The following ATXN10 variants were observed in gnomAD, a reference collection of about 807,000 sequenced individuals.
ATXN10 encodes ataxin 10.
A neutral mutation model predicts 52.9 loss-of-function variants in ATXN10; 28 were observed. The observed-to-expected ratio is 0.53, with a 90% CI of 0.39 to 0.73. The LOEUF is 0.73. ATXN10 is among the 30% of genes least tolerant of loss of function. ATXN10 has a pLI of 0.00. For synonymous variants in ATXN10, 226 were observed against 221.5 expected, an observed-to-expected ratio of 1.02 and a Z score of -0.18; for missense variants, 565 against 577.0, an observed-to-expected ratio of 0.98 and a Z score of 0.21.
intron 10 of ATXN10, among the ~76,000 whole-genome samples, chr22:45,830,827 T>G (rs1381416444): frequency 6.6e-6 from 1 of 152,142 alleles, no homozygotes; most frequent in Non-Finnish European, 1.5e-5. Flanking sequence ...AAAGATAGAA[T>G]TACTATATAT....
At chr22:45,710,282 A>G (rs1924195800) in intron 5 of ATXN10, among the ~76,000 whole-genome samples, 1 of 152,030 alleles carries the variant, frequency 6.6e-6, no homozygotes. Context: ...TGAATACTCC[A>G]AGTTTGTTCT....
At chr22:45,698,712 A>G (rs970016269) in intron 3 of ATXN10, among the ~76,000 whole-genome samples, 1 of 152,218 alleles carries the variant, frequency 6.6e-6, no homozygotes, top group Admixed American at 6.5e-5. Flanking sequence ...AGGAAGGAAA[A>G]TGGAAAGGAA....
Position 45,784,627 on chromosome 22 carries a change from G to A in ATXN10, c.1174-22332G>A, listed in dbSNP as rs929208533. 2.6e-5 allele frequency among the ~76,000 whole-genome samples: 4 copies of A among 152,178 alleles called. No homozygotes were observed. The highest frequency in any genetic ancestry group is 1.3e-4 in the Admixed American group (2 of 15,288). On this transcript the variant is annotated intron_variant, in intron 9 of 11. Transcript: ENST00000252934. This position sits in a 1 kb window ranked among gnomAD's most constrained non-coding sequence, Gnocchi z 4.2. ...CAGGAGGCTGGCTTCCTGTGGGCTC[G>A]CCTGTCGACCCCCTCCCTGTGCCCA...
Position 45,819,711 on chromosome 22 carries a change from T to C in ATXN10, c.1237+12689T>C, listed in dbSNP as rs1288792465. On this transcript the variant is annotated intron_variant, in intron 10 of 11. Transcript: ENST00000252934. This position sits in a 1 kb window ranked among gnomAD's most constrained non-coding sequence, Gnocchi z 4.5. ...GGTCTGTGCTTGTATACATTATTAT[T>C]ATCATTTAATGTATGTATTTTCTTA... Among the ~76,000 whole-genome samples, 1 of 152,238 alleles carries C rather than the reference T, an allele frequency of 6.6e-6. No homozygotes were observed. The highest frequency in any genetic ancestry group is 1.5e-5 in the Non-Finnish European group (1 of 68,044).
chr22:45,786,215 TC>T lies in ATXN10; in HGVS notation c.1174-20742del, dbSNP rs776366024. Among the ~76,000 whole-genome samples, 3 of 152,230 alleles carry T rather than the reference TC, an allele frequency of 2.0e-5. No homozygotes were observed. The highest frequency in any genetic ancestry group is 3.8e-4 in the East Asian group (2 of 5,200). On this transcript the variant is annotated intron_variant, in intron 9 of 11. Coordinates refer to ENST00000252934, the MANE Select transcript of ATXN10 (RefSeq NM_013236.4). This position sits in a 1 kb window ranked among gnomAD's most constrained non-coding sequence, Gnocchi z 4.1. ...TATTAATCACATTGTGTTTTGTACT[TC>T]CGGGTACTTTAAGAGCCTCTGCCAT...
intron 6 of ATXN10, among the ~76,000 whole-genome samples, chr22:45,721,102 C>T (rs1454938193): frequency 6.6e-6 from 1 of 152,156 alleles, no homozygotes; most frequent in African/African-American, 2.4e-5. Flanking sequence ...CTTCTTCACC[C>T]AGAGGCTGGT....
At position 45,844,999 on chromosome 22, in the gene ATXN10, A is replaced by G. The variant is rs1314281952; in HGVS notation, c.*1328A>G. 6.6e-6 allele frequency: 1 copy of G among 152,246 alleles called. No homozygotes were observed. Among genetic ancestry groups the G allele is most frequent in the Non-Finnish European group, 1.5e-5 (1 of 68,052 alleles). The allele number at this position is 152,246 out of a possible 1,614,324, so 9.4% of individuals were successfully genotyped here. A position where few individuals can be genotyped will look rare whatever the true frequency, so the allele number is the denominator to read the frequency against. On this transcript the variant is annotated 3_prime_UTR_variant, in exon 12 of 12. Coordinates refer to ENST00000252934, the MANE Select transcript of ATXN10 (RefSeq NM_013236.4). The stretch of plus-strand genomic sequence containing the variant: ...TCAGCTTCTAGGATTGCAGCAATCT[A>G]TGAATAACATTTTTTCTCTCATTTA...
chr22:45,832,243 A>G (rs767340868), intron 10 of ATXN10, among the ~76,000 whole-genome samples: 1 of 152,214 alleles, frequency 6.6e-6, no homozygotes, highest in Non-Finnish European at 1.5e-5. Flanking sequence ...GAATCCCTGA[A>G]GGAGCTGGCC....
rs1928583304 is a variant in ATXN10 at position 45,819,609 on chromosome 22, A to G, written c.1237+12587A>G. Among the ~76,000 whole-genome samples, 1 of 152,254 alleles carries G rather than the reference A, an allele frequency of 6.6e-6. No homozygotes were observed. Among genetic ancestry groups the G allele is most frequent in the African/African-American group, 2.4e-5 (1 of 41,474 alleles). On this transcript the variant is annotated intron_variant, in intron 10 of 11. Transcript: ENST00000252934. The surrounding 1 kb of genome is among the most constrained non-coding windows in gnomAD (Gnocchi z 4.5). Reference sequence around the variant, plus strand: ...GTCCCATGCAGGAAGCTTTACCTTCAGGAAAGCTGCTGGATTGAGACTGGA... The same window carrying G: ...GTCCCATGCAGGAAGCTTTACCTTCGGGAAAGCTGCTGGATTGAGACTGGA...
chr22:45,792,209 A>G (rs1202376919), intron 9 of ATXN10, among the ~76,000 whole-genome samples: 1 of 152,208 alleles, frequency 6.6e-6, no homozygotes. Flanking sequence ...AGAAGATTCA[A>G]TGATATAAAT....
Position 45,823,118 on chromosome 22 carries a change from A to G in ATXN10, c.1237+16096A>G, listed in dbSNP as rs758692507. On this transcript the variant is annotated intron_variant, in intron 10 of 11. Transcript: ENST00000252934. This position sits in a 1 kb window ranked among gnomAD's most constrained non-coding sequence, Gnocchi z 4.9. ...AGTATACATCTTGACATAAGTACAG[A>G]TGTATGTACGCATCACCCAGATGGA... 2 of 470,864 alleles carry G rather than the reference A, an allele frequency of 4.2e-6. No homozygotes were observed. The highest frequency in any genetic ancestry group is 2.4e-5 in the Admixed American group (1 of 42,364). 29.2% of individuals were successfully genotyped at this position (470,864 alleles called of 1,614,324 possible).
intron 10 of ATXN10, among the ~76,000 whole-genome samples, chr22:45,834,759 C>A (rs1322499329): frequency 1.3e-5 from 2 of 152,198 alleles, no homozygotes; most frequent in African/African-American, 4.8e-5. Flanking sequence ...AGCACACATT[C>A]TCTGGAGTCA....
intron 9 of ATXN10, among the ~76,000 whole-genome samples, chr22:45,791,594 A>G (rs889926897): frequency 1.3e-5 from 2 of 152,208 alleles, no homozygotes; most frequent in South Asian, 2.1e-4. Flanking sequence ...TTTCTGATCC[A>G]CTTGAATCTA....
chr22:45,815,323 G>A (rs1307714852), intron 10 of ATXN10, among the ~76,000 whole-genome samples: 1 of 152,186 alleles, frequency 6.6e-6, no homozygotes, highest in Non-Finnish European at 1.5e-5. Flanking sequence ...TAATAGTTAC[G>A]TGGGGTAGAA....
intron 5 of ATXN10, among the ~76,000 whole-genome samples, chr22:45,714,287 G>C (rs1166334991): frequency 5.3e-5 from 8 of 152,002 alleles, no homozygotes; most frequent in Admixed American, 5.2e-4. Flanking sequence ...ATCTTTATCA[G>C]TGTATAGGAG....
At chr22:45,692,325 A>T (rs1923416956) in intron 2 of ATXN10, among the ~76,000 whole-genome samples, 1 of 152,128 alleles carries the variant, frequency 6.6e-6, no homozygotes, top group South Asian at 2.1e-4. Flanking sequence ...GCTGTTTGTG[A>T]TATCTTTTTA....
At chr22:45,793,486 T>G in intron 9 of ATXN10, 1 of 1,003,730 alleles carries the variant, frequency 1.0e-6, no homozygotes, top group East Asian at 3.3e-5. Flanking sequence ...AATAAATCTC[T>G]CACTGCTCCT....
intron 10 of ATXN10, among the ~76,000 whole-genome samples, chr22:45,815,965 T>A (rs1928445805): frequency 6.6e-6 from 1 of 152,138 alleles, no homozygotes. Flanking sequence ...AAATTCACTG[T>A]CTGGCCAGGC....
intron 1 of ATXN10, chr22:45,672,841 G>A (rs1023106426): frequency 6.6e-6 from 1 of 152,294 alleles, no homozygotes; most frequent in African/African-American, 2.4e-5. Flanking sequence ...TGCAAGCTGC[G>A]TGTTACTGTG....
Sources: gnomAD v4.1 joint callset for allele counts (sites outside exome capture counted in the v4.1 genomes callset) on GRCh38, gnomAD v4.1.1 for gene constraint, Gnocchi (gnomAD v3.1) non-coding constraint, MANE v1.5 for transcripts, NCBI Gene and HGNC (gene_info 2026-07-23, HGNC 2026-07-21) for gene names.